Variants in RNF19B observed in about 807,000 individuals in gnomAD.
The protein encoded by RNF19B is ring finger protein 19B.
A neutral mutation model predicts 65.5 loss-of-function variants in RNF19B; 23 were observed. The ratio of observed to expected loss-of-function variants is 0.35; its 90% CI spans 0.25 to 0.50. The LOEUF (loss-of-function observed/expected upper bound fraction) is 0.50, where lower values mean the gene tolerates loss of function less well. Among genes scored for constraint, RNF19B ranks in the 20% least tolerant of loss-of-function variants. The pLI is 0.98. For missense variants in RNF19B, 794 were observed against 980.0 expected (o/e 0.81, Z 2.53); for synonymous variants, 372 against 379.6 (o/e 0.98, Z 0.23).
rs753653914 is a variant in RNF19B at position 32,936,840 on chromosome 1, AC to A, written c.2161del (p.Val721SerfsTer2). The stretch of plus-strand genomic sequence containing the variant: ...GGCTTCTCCACCTTCTGGCTTCAAG[AC>A]AGTTTGTCCCTCGGCTAGGGCAGAG... ...NLSALAEGQT[V>X]LKPEGGEARV On this transcript the variant is annotated frameshift_variant, in exon 9 of 9. Coordinates refer to ENST00000235150, the MANE Select transcript of RNF19B (RefSeq NM_001300826.2). LOFTEE classifies it high-confidence loss of function. The A allele has an allele frequency of 9.5e-6, 15 of 1,585,612 alleles. No homozygotes were observed. In the South Asian group the frequency reaches 1.6e-4, roughly 17 times the overall value.
Position 32,964,246 on chromosome 1 carries a change from C to A in RNF19B, c.440G>T (p.Arg147Leu), listed in dbSNP as rs866675910. Residue 147 changes from arginine (R) to leucine (L), a missense_variant, in exon 1 of 9, where the codon CGC becomes CTC. Arg to Leu is a moderately radical substitution (Grantham distance 102). Coordinates refer to ENST00000235150, the MANE Select transcript of RNF19B (RefSeq NM_001300826.2). This position sits in a 1 kb window ranked among gnomAD's most constrained non-coding sequence, Gnocchi z 6.5. ...CPHRSCRDCLRHYLRLEISES... is the reference protein window; with the variant it reads ...CPHRSCRDCLLHYLRLEISES... Reference sequence around the variant, plus strand: ...GCTTATCTCCAGGCGCAGGTAGTGGCGGAGGCAGTCCCGGCACGAGCGGTG... The same window carrying A: ...GCTTATCTCCAGGCGCAGGTAGTGGAGGAGGCAGTCCCGGCACGAGCGGTG... 6.5e-7 allele frequency: 1 copy of A among 1,544,726 alleles called. No individual in the cohort carries two copies. The highest frequency in any genetic ancestry group is 8.7e-7 in the Non-Finnish European group (1 of 1,145,174).
intron 7 of RNF19B, among the ~76,000 whole-genome samples, chr1:32,939,936 G>A (rs1381051876): frequency 6.6e-6 from 1 of 152,186 alleles, no homozygotes; most frequent in African/African-American, 2.4e-5. Context: ...GCCAGCATGT[G>A]GGGGCGGGAT....
At chr1:32,946,980 A>G (rs1642380352) in intron 3 of RNF19B, among the ~76,000 whole-genome samples, 1 of 152,218 alleles carries the variant, frequency 6.6e-6, no homozygotes, top group South Asian at 2.1e-4. Context: ...GTCCTACCAT[A>G]CCTAATAGAT....
In RNF19B at chr1:32,964,566, A is replaced by C; in HGVS notation, c.120T>G (p.Ser40=). 7.2e-7 allele frequency: 1 copy of C among 1,385,826 alleles called. No homozygotes were observed. The allele number at this position is 1,385,826 out of a possible 1,614,324, so 85.8% of individuals were successfully genotyped here. A position where few individuals can be genotyped will look rare whatever the true frequency, so the allele number is the denominator to read the frequency against. ...GGGCGCGGCGGCCGCGGGCCGAGGC[A>C]GAGAAGACGCTGTGCAAGGTGAGGC... ...RRRLTLHSVF[S]ASARGRRARA... is the part of the protein sequence containing the mutation. The change falls in exon 1 of 9, where the codon TCT becomes TCG. Residue 40 remains serine (S), a synonymous_variant. Coordinates refer to ENST00000235150, the MANE Select transcript of RNF19B (RefSeq NM_001300826.2). The surrounding 1 kb of genome is among the most constrained non-coding windows in gnomAD (Gnocchi z 6.5).
chr1:32,936,160 C>T (rs1249904239), downstream of RNF19B, among the ~76,000 whole-genome samples: 1 of 152,190 alleles, frequency 6.6e-6, no homozygotes, highest in Non-Finnish European at 1.5e-5. Flanking sequence ...GAGTAAATTG[C>T]ACAGTTGCTT....
At chr1:32,963,906 T>G (rs1289595674) in intron 1 of RNF19B, 145 bp downstream of exon 1, 1 of 1,301,368 alleles carries the variant, frequency 7.7e-7, no homozygotes, top group African/African-American at 1.6e-5. Context: ...ACCACTAGTC[T>G]GGGCTTGCCT....
rs2124203803 is a variant in RNF19B, at chr1:32,964,484, C to G, written c.202G>C (p.Ala68Pro). The G allele has an allele frequency of 1.1e-6, 1 of 951,556 alleles. No homozygotes were observed. The highest frequency in any genetic ancestry group is 4.8e-5 in the South Asian group (1 of 20,838). 58.9% of individuals were successfully genotyped at this position (951,556 alleles called of 1,614,324 possible). Residue 68 changes from alanine to proline, a missense_variant, in exon 1 of 9, where the codon GCC (alanine) becomes CCC (proline). By Grantham distance (27) the Ala-to-Pro change is conservative. Coordinates refer to ENST00000235150, the MANE Select transcript of RNF19B (RefSeq NM_001300826.2). The surrounding 1 kb of genome is among the most constrained non-coding windows in gnomAD (Gnocchi z 6.5). ...GGCGGGCCCTGGGCCGCGGCAGGGG[C>G]CGGGGCGGGCGGCGGCTGCGCAGCC... Reference protein sequence around the residue: ...PPAAQPPPAPAPAAAQGPPPE... With the variant: ...PPAAQPPPAPPPAAAQGPPPE...
Position 32,964,433 on chromosome 1 carries a change from C to T in RNF19B, c.253G>A (p.Ala85Thr). The change falls in exon 1 of 9, where the codon GCC becomes ACC. Residue 85 changes from alanine (A) to threonine (T), a missense_variant. Coordinates refer to ENST00000235150, the MANE Select transcript of RNF19B (RefSeq NM_001300826.2). The surrounding 1 kb of genome is among the most constrained non-coding windows in gnomAD (Gnocchi z 6.5). Reference sequence around the variant, plus strand: ...GCGGCCTCCGCCTCGGCCTCGGCGGCCGGCTCGGCGGGCAGCGCCTCGGGC... The same window carrying T: ...GCGGCCTCCGCCTCGGCCTCGGCGGTCGGCTCGGCGGGCAGCGCCTCGGGC... ...PPPEALPAEP[A>T]AEAEAEAAAA... 1 of 1,168,086 alleles carries T rather than the reference C, an allele frequency of 8.6e-7. No homozygotes were observed. Among genetic ancestry groups the T allele is most frequent in the Non-Finnish European group, 1.1e-6 (1 of 949,356 alleles). 72.4% of individuals were successfully genotyped at this position (1,168,086 alleles called of 1,614,324 possible).
At chr1:32,957,963 T>C (rs1043817367) in intron 1 of RNF19B, among the ~76,000 whole-genome samples, 1 of 152,244 alleles carries the variant, frequency 6.6e-6, no homozygotes, top group Non-Finnish European at 1.5e-5. Flanking sequence ...AATTCATCTA[T>C]GTACCACACT....
Position 32,960,218 on chromosome 1 carries a change from C to A in RNF19B, c.635+3833G>T, listed in dbSNP as rs555911787. On this transcript the variant is annotated intron_variant, in intron 1 of 8. Transcript: ENST00000235150. The stretch of plus-strand genomic sequence containing the variant: ...CATGAATCTCTGAATGTATGGTGTT[C>A]TTGTTATTATGAGTAATTATAGTAA... 5.3e-5 allele frequency among the ~76,000 whole-genome samples: 8 copies of A among 152,160 alleles called. No individual in the cohort carries two copies. The East Asian group carries it at 1.5e-3, about 29-fold the overall frequency.
Position 32,936,664 on chromosome 1 carries a change from G to A in RNF19B, c.*142C>T, listed in dbSNP as rs1472075351. Reference sequence around the variant, plus strand: ...CTGGTAAGAAATTGTGAATTTCTCAGAATTTCCCTGGGCAAAAACCTGTGA... The same window carrying A: ...CTGGTAAGAAATTGTGAATTTCTCAAAATTTCCCTGGGCAAAAACCTGTGA... On this transcript the variant is annotated 3_prime_UTR_variant, in exon 9 of 9. Coordinates refer to ENST00000235150, the MANE Select transcript of RNF19B (RefSeq NM_001300826.2). 1.0e-5 allele frequency: 9 copies of A among 866,184 alleles called. No individual in the cohort carries two copies. Among genetic ancestry groups the A allele is most frequent in the Non-Finnish European group, 1.5e-5 (9 of 614,264 alleles). 53.7% of individuals were successfully genotyped at this position (866,184 alleles called of 1,614,324 possible). A position where few individuals can be genotyped will look rare whatever the true frequency, so the allele number is the denominator to read the frequency against.
chr1:32,948,160 C>T (rs1269569636), intron 3 of RNF19B, 62 bp downstream of exon 3: 1 of 1,564,130 alleles, frequency 6.4e-7, no homozygotes, highest in Non-Finnish European at 8.7e-7. Context: ...TTTTGACATC[C>T]TTTTCCCTAA....
intron 1 of RNF19B, among the ~76,000 whole-genome samples, chr1:32,955,545 C>T (rs1642615665): frequency 6.6e-6 from 1 of 150,686 alleles, no homozygotes; most frequent in Non-Finnish European, 1.5e-5. Context: ...GTCTGGGCAA[C>T]ATGGCAAAAC....
At chr1:32,946,620 T>C (rs575228058) in intron 3 of RNF19B, 56 bp from the exon 4 acceptor site, 260 of 1,501,504 alleles carry the variant, frequency 1.7e-4, no homozygotes, top group Non-Finnish European at 2.2e-4. Context: ...GCTAGTATTA[T>C]CATAGGGCTT....
rs80176999 is a variant in RNF19B at position 32,938,140 on chromosome 1, CAAAA to C, written c.1742+253_1742+256del. Among the ~76,000 whole-genome samples the C allele has an allele frequency of 1.1e-4, 5 of 46,054 alleles. 1 individual carries two copies. Among genetic ancestry groups the C allele is most frequent in the South Asian group, 1.0e-3 (1 of 974 alleles). 30.2% of individuals were successfully genotyped at this position (46,054 alleles called of 152,430 possible). ...ACACTGTTGCAATAGCCAAGAAAGA[CAAAA>C]AAAAAAAAAAAAAAAAGAAAAAATA... is the stretch of plus-strand genomic sequence containing the variant. On this transcript the variant is annotated intron_variant, in intron 8 of 8. Coordinates refer to ENST00000235150, the MANE Select transcript of RNF19B (RefSeq NM_001300826.2).
At chr1:32,933,286 G>A (rs1244545327), downstream of RNF19B, among the ~76,000 whole-genome samples, 10 of 150,540 alleles carry the variant, frequency 6.6e-5, no homozygotes, top group East Asian at 1.9e-4. Context: ...ACGGAGTCTC[G>A]CTCTGTTGCC....
At chr1:32,959,949 G>A (rs915293492) in intron 1 of RNF19B, among the ~76,000 whole-genome samples, 7 of 151,816 alleles carry the variant, frequency 4.6e-5, no homozygotes, top group Non-Finnish European at 1.0e-4. Flanking sequence ...TACTCAGGAG[G>A]CTGAGGCAGG....
At chr1:32,946,016 A>C (rs1211337297) in intron 4 of RNF19B, among the ~76,000 whole-genome samples, 1 of 152,006 alleles carries the variant, frequency 6.6e-6, no homozygotes, top group South Asian at 2.1e-4. Flanking sequence ...GGCACATGCC[A>C]CCATACCCAG....
chr1:32,954,089 T>C (rs944838066), intron 1 of RNF19B, among the ~76,000 whole-genome samples: 5 of 151,462 alleles, frequency 3.3e-5, no homozygotes, highest in African/African-American at 1.2e-4. Flanking sequence ...TTTTGTATTT[T>C]TAGTAGAGAT....
Sources: allele counts gnomAD v4.1 joint callset (sites outside exome capture counted in the v4.1 genomes callset), GRCh38; gene constraint gnomAD v4.1.1; non-coding constraint Gnocchi (gnomAD v3.1); transcripts MANE v1.5; gene names NCBI Gene and HGNC (gene_info 2026-07-23, HGNC 2026-07-21).